Variants in MEMO1 observed in about 807,000 individuals in gnomAD.
The protein encoded by MEMO1 is protein MEMO1.
Under a neutral mutation model 45.2 loss-of-function variants are expected in MEMO1, and 6 were observed. The observed-to-expected ratio is 0.13, with a 90% CI of 0.07 to 0.26. MEMO1 has a LOEUF of 0.26. Among genes scored for constraint, MEMO1 ranks in the 10% least tolerant of loss-of-function variants. The pLI is 1.00. For missense variants in MEMO1, 184 were observed against 370.5 expected (o/e 0.50, Z 4.13); for synonymous variants, 78 against 124.3 (o/e 0.63, Z 2.48).
intron 2 of MEMO1, among the ~76,000 whole-genome samples, chr2:31,995,223 G>T (rs552444005): frequency 6.6e-6 from 1 of 151,978 alleles, no homozygotes; most frequent in Admixed American, 6.6e-5. Flanking sequence ...AGGCCGAGGC[G>T]GGTGAATCAC....
At chr2:31,941,744 T>C (rs558827802) in intron 3 of MEMO1, among the ~76,000 whole-genome samples, 56 of 152,138 alleles carry the variant, frequency 3.7e-4, no homozygotes, top group Non-Finnish European at 5.9e-4. Flanking sequence ...TCCCAACAGA[T>C]AAAAAAGTTG....
At chr2:31,924,638 T>A (rs1207107773) in intron 4 of MEMO1, among the ~76,000 whole-genome samples, 2 of 152,124 alleles carry the variant, frequency 1.3e-5, no homozygotes, top group Non-Finnish European at 2.9e-5. Context: ...AGCTACTTAG[T>A]CCAAATAATG....
intron 8 of MEMO1, among the ~76,000 whole-genome samples, chr2:31,879,974 C>T (rs1181048814): frequency 6.6e-6 from 1 of 152,170 alleles, no homozygotes; most frequent in Non-Finnish European, 1.5e-5. Flanking sequence ...CCACCACTCC[C>T]TTAACATGAC....
At chr2:31,919,124 A>G (rs1681900942) in intron 5 of MEMO1, among the ~76,000 whole-genome samples, 1 of 151,438 alleles carries the variant, frequency 6.6e-6, no homozygotes. Flanking sequence ...TTTTATTTTT[A>G]TATTTATTTA....
intron 4 of MEMO1, among the ~76,000 whole-genome samples, chr2:31,922,167 G>A (rs1040002551): frequency 2.0e-5 from 3 of 152,094 alleles, no homozygotes; most frequent in African/African-American, 7.2e-5. Context: ...AAAGCTGAGA[G>A]ATGAGCTAGT....
intron 2 of MEMO1, among the ~76,000 whole-genome samples, chr2:31,945,762 A>G (rs572126782): frequency 5.8e-4 from 88 of 152,256 alleles, no homozygotes; most frequent in African/African-American, 2.0e-3. Context: ...CAAGTTGTAA[A>G]ATTACATCCT....
intron 2 of MEMO1, among the ~76,000 whole-genome samples, chr2:32,004,857 G>A (rs992723676): frequency 1.7e-4 from 26 of 151,630 alleles, no homozygotes; most frequent in African/African-American, 6.1e-4. Flanking sequence ...AACCCGGGAG[G>A]CAGAGGTTGC....
chr2:31,906,160 T>A (rs1319978949), intron 6 of MEMO1, among the ~76,000 whole-genome samples: 3 of 151,730 alleles, frequency 2.0e-5, no homozygotes, highest in Non-Finnish European at 4.4e-5. Context: ...TTAGTAGAGA[T>A]GGGGTTTTAC....
chr2:31,931,199 T>C (rs1462228061), intron 4 of MEMO1, among the ~76,000 whole-genome samples: 3 of 152,180 alleles, frequency 2.0e-5, no homozygotes, highest in Non-Finnish European at 4.4e-5. Context: ...ACATAAAAAT[T>C]TGAAAGAACA....
At position 31,894,160 on chromosome 2, in the gene MEMO1, G is replaced by C. The variant is rs192649589; in HGVS notation, c.438-2026C>G. Among the ~76,000 whole-genome samples the C allele has an allele frequency of 9.1e-4, 139 of 152,190 alleles. 1 individual carries two copies. Among genetic ancestry groups the C allele is most frequent in the Admixed American group, 9.1e-3 (139 of 15,274 alleles). ...CTTTGTGTTATGGAAATCAACTAAA[G>C]GCAAAAACAAACAAGCAAACAAACA... On this transcript the variant is annotated intron_variant, in intron 6 of 9. Coordinates refer to ENST00000404530, the MANE Select transcript of MEMO1 (RefSeq NM_001301833.4).
At chr2:31,882,003 G>A (rs985558058) in intron 8 of MEMO1, among the ~76,000 whole-genome samples, 4 of 152,090 alleles carry the variant, frequency 2.6e-5, no homozygotes, top group African/African-American at 9.7e-5. Flanking sequence ...AAATTAGATG[G>A]GCTTGGTGGT....
At chr2:31,933,337 A>AT (rs1664444139) in intron 3 of MEMO1, among the ~76,000 whole-genome samples, 3 of 65,180 alleles carry the variant, frequency 4.6e-5, no homozygotes, top group African/African-American at 2.0e-4. Flanking sequence ...AAAAAAAAAA[A>AT]AAAAAAAAAA....
At chr2:31,884,605 T>C (rs1675909511) in intron 7 of MEMO1, among the ~76,000 whole-genome samples, 1 of 152,220 alleles carries the variant, frequency 6.6e-6, no homozygotes. Flanking sequence ...CCCTCTTTGA[T>C]GTCCTTTTCT....
intron 3 of MEMO1, among the ~76,000 whole-genome samples, chr2:31,933,019 G>A (rs1572722957): frequency 6.6e-6 from 1 of 151,728 alleles, no homozygotes; most frequent in African/African-American, 2.4e-5. Flanking sequence ...CCATACAATG[G>A]AATACTCTTC....
chr2:31,980,143 A>G (rs551119711), intron 2 of MEMO1, among the ~76,000 whole-genome samples: 148 of 152,332 alleles, frequency 9.7e-4, no homozygotes, highest in African/African-American at 3.5e-3. Flanking sequence ...GAAATTTTAA[A>G]ATATTTTGCC....
At chr2:31,946,704 A>C (rs184643239) in intron 2 of MEMO1, among the ~76,000 whole-genome samples, 260 of 152,252 alleles carry the variant, frequency 1.7e-3, no homozygotes, top group African/African-American at 6.0e-3. Flanking sequence ...TCTACTAAAA[A>C]TACAAAAAAT....
chr2:31,978,198 C>A (rs1165369862), intron 2 of MEMO1, among the ~76,000 whole-genome samples: 1 of 152,036 alleles, frequency 6.6e-6, no homozygotes, highest in Non-Finnish European at 1.5e-5. Flanking sequence ...ATCAGCCTGG[C>A]CAACATGGTC....
intron 2 of MEMO1, among the ~76,000 whole-genome samples, chr2:31,959,311 T>G (rs995626596): frequency 1.3e-5 from 2 of 151,994 alleles, no homozygotes; most frequent in African/African-American, 4.8e-5. Flanking sequence ...AATAGAAATG[T>G]TAGAAAAAGT....
intron 2 of MEMO1, among the ~76,000 whole-genome samples, chr2:31,952,403 C>T (rs556161863): frequency 1.8e-4 from 27 of 152,292 alleles, no homozygotes; most frequent in African/African-American, 6.5e-4. Context: ...CTTTTCTGTC[C>T]GTTCATATAT....
Sources: gnomAD v4.1 joint callset for allele counts (sites outside exome capture counted in the v4.1 genomes callset) on GRCh38, gnomAD v4.1.1 for gene constraint, MANE v1.5 for transcripts, NCBI Gene and HGNC (gene_info 2026-07-23, HGNC 2026-07-21) for gene names.